Variants in SH3BGRL2 observed in about 807,000 individuals in gnomAD.
SH3BGRL2 encodes the protein SH3 domain-binding glutamic acid-rich-like protein 2.
A neutral mutation model predicts 14.8 loss-of-function variants in SH3BGRL2; 21 were observed. The ratio of observed to expected loss-of-function variants is 1.42; its 90% CI spans 1.01 to 2.05. SH3BGRL2 has a LOEUF of 2.05. SH3BGRL2 is among the 30% of genes most tolerant of loss of function. The pLI, the probability that SH3BGRL2 is intolerant of heterozygous loss-of-function variation, is 0.00. For missense variants in SH3BGRL2, 147 were observed against 130.8 expected (o/e 1.12, Z -0.61); for synonymous variants, 50 against 47.8 (o/e 1.05, Z -0.19).
the SH3BGRL2 span, among the ~76,000 whole-genome samples, chr6:79,562,743 G>A: frequency 6.6e-6 from 1 of 152,160 alleles, no homozygotes; most frequent in Non-Finnish European, 1.5e-5. Context: ...ATTGGAAGAA[G>A]AATTGTCTTG....
chr6:79,541,564 C>G, the SH3BGRL2 span, among the ~76,000 whole-genome samples: 3 of 152,126 alleles, frequency 2.0e-5, no homozygotes, highest in Non-Finnish European at 4.4e-5. Flanking sequence ...CCTCACAACC[C>G]CAGTGGAAAA....
intron 2 of SH3BGRL2, among the ~76,000 whole-genome samples, chr6:79,685,011 A>C (rs917286261): frequency 7.2e-5 from 11 of 152,228 alleles, no homozygotes; most frequent in Non-Finnish European, 1.5e-4. Flanking sequence ...GCCCGGAAGC[A>C]CAGCAATGTA....
At chr6:79,568,762 G>A in the SH3BGRL2 span, among the ~76,000 whole-genome samples, 1 of 152,072 alleles carries the variant, frequency 6.6e-6, no homozygotes, top group Non-Finnish European at 1.5e-5. Flanking sequence ...TCTGTAGTAG[G>A]AATTTTATTG....
the SH3BGRL2 span, among the ~76,000 whole-genome samples, chr6:79,620,956 T>C: frequency 6.6e-6 from 1 of 151,970 alleles, no homozygotes; most frequent in Non-Finnish European, 1.5e-5. Context: ...AGAGTTGGGG[T>C]TTCGCTATGT....
the SH3BGRL2 span, among the ~76,000 whole-genome samples, chr6:79,583,517 A>C: frequency 6.6e-6 from 1 of 152,224 alleles, no homozygotes; most frequent in Non-Finnish European, 1.5e-5. Context: ...CATTCTCAGC[A>C]AACAATCACA....
chr6:79,585,383 T>A, the SH3BGRL2 span, among the ~76,000 whole-genome samples: 265 of 152,262 alleles, frequency 1.7e-3, 2 homozygotes, highest in African/African-American at 6.2e-3. Context: ...CAGAAAAAAA[T>A]TTGTCTAGTC....
chr6:79,547,188 T>C, the SH3BGRL2 span, among the ~76,000 whole-genome samples: 5 of 151,966 alleles, frequency 3.3e-5, no homozygotes. Flanking sequence ...AACCAGACTG[T>C]CCACAGTCTG....
chr6:79,611,244 A>G, the SH3BGRL2 span, among the ~76,000 whole-genome samples: 1 of 152,110 alleles, frequency 6.6e-6, no homozygotes, highest in Non-Finnish European at 1.5e-5. Context: ...TGTGGCTTAA[A>G]TGAAATAAGA....
At chr6:79,698,583 G>T (rs868693830) in intron 3 of SH3BGRL2, among the ~76,000 whole-genome samples, 13 of 152,176 alleles carry the variant, frequency 8.5e-5, no homozygotes, top group South Asian at 8.3e-4. Context: ...CCCAGGTGCA[G>T]TGTAGGCTCT....
chr6:79,547,749 T>C, the SH3BGRL2 span, among the ~76,000 whole-genome samples: 1 of 152,192 alleles, frequency 6.6e-6, no homozygotes, highest in African/African-American at 2.4e-5. Flanking sequence ...GATGAGACTC[T>C]GGAGTTCCCC....
chr6:79,595,324 A>G, the SH3BGRL2 span, among the ~76,000 whole-genome samples: 1 of 152,150 alleles, frequency 6.6e-6, no homozygotes, highest in Non-Finnish European at 1.5e-5. Flanking sequence ...TCATCGGGAG[A>G]TGTCATTAAA....
At chr6:79,653,024 A>G (rs932006759) in intron 1 of SH3BGRL2, among the ~76,000 whole-genome samples, 1 of 152,200 alleles carries the variant, frequency 6.6e-6, no homozygotes, top group Middle Eastern at 3.2e-3. Context: ...CAATTAAGAA[A>G]AAAACAAGAC....
intron 1 of SH3BGRL2, among the ~76,000 whole-genome samples, chr6:79,633,726 T>C (rs547516529): frequency 1.3e-5 from 2 of 152,344 alleles, no homozygotes; most frequent in South Asian, 4.1e-4. Flanking sequence ...CAGTTATTCA[T>C]TGAGTCTCCC....
the SH3BGRL2 span, among the ~76,000 whole-genome samples, chr6:79,585,587 A>C: frequency 6.6e-6 from 1 of 152,082 alleles, no homozygotes; most frequent in African/African-American, 2.4e-5. Flanking sequence ...ACGACTCTCT[A>C]GTGTGCCAGA....
In SH3BGRL2 at chr6:79,696,487, T is replaced by C; in HGVS notation, c.234T>C (p.Asp78=). 1 of 1,578,766 alleles carries C rather than the reference T, an allele frequency of 6.3e-7. No homozygotes were observed. The highest frequency in any genetic ancestry group is 8.5e-7 in the Non-Finnish European group (1 of 1,169,842). ...TTTCTGCTTCCCTTTTTTTCTAGGATTATGACAGTTTTTTTGAATCCAAGG... is the reference window on the plus strand; with the variant it reads ...TTTCTGCTTCCCTTTTTTTCTAGGACTATGACAGTTTTTTTGAATCCAAGG... ...QIFNGDRYCG[D]YDSFFESKES... is the part of the protein sequence containing the mutation. Residue 78 remains aspartate (D), a splice_region_variant and synonymous_variant, in exon 3 of 4, where the codon GAT becomes GAC. Transcript: ENST00000369838.
the SH3BGRL2 span, among the ~76,000 whole-genome samples, chr6:79,557,910 G>A: frequency 6.6e-6 from 1 of 152,120 alleles, no homozygotes; most frequent in African/African-American, 2.4e-5. Context: ...AGACTATGAG[G>A]TATTTTACAG....
In SH3BGRL2 at chr6:79,699,540, T is replaced by A. The variant is rs919995503; in HGVS notation, c.*31T>A. ...AAGAGTGGAAGATGACGGAGATGCATTTTGAAGCACCCCTGGTACTCAGCA... is the reference window on the plus strand; with the variant it reads ...AAGAGTGGAAGATGACGGAGATGCAATTTGAAGCACCCCTGGTACTCAGCA... On this transcript the variant is annotated 3_prime_UTR_variant, in exon 4 of 4. Transcript: ENST00000369838. 2 of 1,557,908 alleles carry A rather than the reference T, an allele frequency of 1.3e-6. No homozygotes were observed. Among genetic ancestry groups the A allele is most frequent in the Non-Finnish European group, 1.7e-6 (2 of 1,159,102 alleles).
intron 1 of SH3BGRL2, among the ~76,000 whole-genome samples, 198 bp from the exon 2 acceptor site, chr6:79,673,415 GC>G (rs1462217539): frequency 6.6e-6 from 1 of 151,470 alleles, no homozygotes; most frequent in Non-Finnish European, 1.5e-5. Context: ...TCTCAAAATA[GC>G]AATAACAACA....
At chr6:79,664,970 G>A (rs1769627238) in intron 1 of SH3BGRL2, among the ~76,000 whole-genome samples, 1 of 152,214 alleles carries the variant, frequency 6.6e-6, no homozygotes, top group East Asian at 1.9e-4. Context: ...GGGAGGCTGA[G>A]GAGGGCAGAT....
Sources: allele counts gnomAD v4.1 joint callset (sites outside exome capture counted in the v4.1 genomes callset), GRCh38; gene constraint gnomAD v4.1.1; transcripts MANE v1.5; gene names NCBI Gene and HGNC (gene_info 2026-07-23, HGNC 2026-07-21).